Variants in CSMD2 observed in about 807,000 individuals in gnomAD.
CSMD2 encodes CUB and sushi domain-containing protein 2.
A neutral mutation model predicts 398.5 loss-of-function variants in CSMD2; 130 were observed. The ratio of observed to expected loss-of-function variants is 0.33; its 90% CI spans 0.28 to 0.38. CSMD2 has a LOEUF of 0.38. CSMD2 is among the 10% of genes least tolerant of loss of function. The probability of loss-of-function intolerance (pLI) is 1.00; values close to 1 mark genes in which losing one functional copy is unlikely to be tolerated. For missense variants in CSMD2, 3,829 were observed against 4,764.9 expected, an observed-to-expected ratio of 0.80 and a Z score of 5.78; for synonymous variants, 1,828 against 1,908.5, an observed-to-expected ratio of 0.96 and a Z score of 1.10.
At chr1:33,735,812 A>T (rs1646867358) in intron 15 of CSMD2, among the ~76,000 whole-genome samples, 1 of 152,178 alleles carries the variant, frequency 6.6e-6, no homozygotes. Flanking sequence ...CAAGGTGGGG[A>T]CACTTAATCA....
intron 5 of CSMD2, among the ~76,000 whole-genome samples, chr1:33,896,776 G>C (rs1642413308): frequency 6.6e-6 from 1 of 152,110 alleles, no homozygotes; most frequent in Admixed American, 6.5e-5. Flanking sequence ...AGGTGATTGG[G>C]GAAGGCCTCA....
At chr1:33,675,787 T>C (rs1199388207) in intron 25 of CSMD2, among the ~76,000 whole-genome samples, 14 of 152,240 alleles carry the variant, frequency 9.2e-5, no homozygotes, top group Non-Finnish European at 2.9e-5. Context: ...ATCCCTGGGA[T>C]GCAAGACTGG....
At position 33,680,918 on chromosome 1, in the gene CSMD2, CTTTTTTTTTTTT is replaced by C. The variant is rs66489770; in HGVS notation, c.4052+12000_4052+12011del. 4.0e-5 allele frequency among the ~76,000 whole-genome samples: 3 copies of C among 75,932 alleles called. No individual in the cohort carries two copies. The Admixed American group carries it at 7.0e-4, about 18-fold the overall frequency. The allele number at this position is 75,932 out of a possible 152,430, so 49.8% of individuals were successfully genotyped here. On this transcript the variant is annotated intron_variant, in intron 25 of 70. Coordinates refer to ENST00000373381, the MANE Select transcript of CSMD2 (RefSeq NM_001281956.2). The stretch of plus-strand genomic sequence containing the variant: ...CTTATTTCCATCATCCTGTTTTATG[CTTTTTTTTTTTT>C]TTTTTTTTTTTTGAGACAGAATCTC...
intron 23 of CSMD2, among the ~76,000 whole-genome samples, chr1:33,699,199 T>C (rs1197463815): frequency 6.6e-6 from 1 of 152,236 alleles, no homozygotes; most frequent in African/African-American, 2.4e-5. Context: ...GCATTTTCTA[T>C]TTCTTTTGTT....
At chr1:33,913,203 G>A (rs1233740398) in intron 5 of CSMD2, among the ~76,000 whole-genome samples, 1 of 152,190 alleles carries the variant, frequency 6.6e-6, no homozygotes, top group Non-Finnish European at 1.5e-5. Flanking sequence ...GCCAAGTGCA[G>A]CTCTGGGAAG....
intron 11 of CSMD2, among the ~76,000 whole-genome samples, chr1:33,789,610 C>A (rs1013527941): frequency 6.6e-6 from 1 of 152,212 alleles, no homozygotes; most frequent in African/African-American, 2.4e-5. Context: ...GTGGAGTGGG[C>A]AACTGAACTA....
intron 41 of CSMD2, among the ~76,000 whole-genome samples, chr1:33,607,101 T>C (rs1434240386): frequency 6.6e-6 from 1 of 152,198 alleles, no homozygotes. Flanking sequence ...ACATTAATAA[T>C]GATGATGCCT....
chr1:33,545,210 G>A (rs1570683161), intron 57 of CSMD2, among the ~76,000 whole-genome samples: 1 of 152,240 alleles, frequency 6.6e-6, no homozygotes, highest in Admixed American at 6.5e-5. Context: ...TACTATGCAA[G>A]CTGTATTTTA....
chr1:33,609,648 G>C (rs953822400), intron 41 of CSMD2, among the ~76,000 whole-genome samples: 1 of 152,032 alleles, frequency 6.6e-6, no homozygotes, highest in African/African-American at 2.4e-5. Flanking sequence ...AAATATGTTT[G>C]TAAATTGTTT....
At chr1:33,940,380 C>A (rs61769930) in intron 3 of CSMD2, among the ~76,000 whole-genome samples, 16 of 152,194 alleles carry the variant, frequency 1.1e-4, no homozygotes, top group Admixed American at 1.3e-4. Flanking sequence ...TAGGGAGACA[C>A]AATTCAACTC....
At chr1:33,936,944 C>T (rs548497819) in intron 3 of CSMD2, among the ~76,000 whole-genome samples, 4 of 152,278 alleles carry the variant, frequency 2.6e-5, no homozygotes, top group Non-Finnish European at 4.4e-5. Context: ...GCCATGCAGC[C>T]GGATGGTGGT....
chr1:34,087,981 T>C (rs1046188426), intron 2 of CSMD2, among the ~76,000 whole-genome samples: 3 of 152,020 alleles, frequency 2.0e-5, no homozygotes, highest in African/African-American at 7.2e-5. Flanking sequence ...GGGCCCCAGA[T>C]GCCCCCCCGC....
At chr1:33,562,082 G>T (rs1325949723) in intron 53 of CSMD2, among the ~76,000 whole-genome samples, 2 of 152,194 alleles carry the variant, frequency 1.3e-5, no homozygotes, top group Non-Finnish European at 2.9e-5. Flanking sequence ...CTCTACAGGA[G>T]GGGGTAGTTG....
At chr1:34,077,995 A>AT (rs1280929598) in intron 2 of CSMD2, among the ~76,000 whole-genome samples, 2 of 151,644 alleles carry the variant, frequency 1.3e-5, no homozygotes, top group Non-Finnish European at 2.9e-5. Context: ...TACTCATGAA[A>AT]TTTTTTTTTA....
intron 3 of CSMD2, among the ~76,000 whole-genome samples, chr1:33,998,779 G>A (rs1646806290): frequency 6.6e-6 from 1 of 152,166 alleles, no homozygotes; most frequent in Non-Finnish European, 1.5e-5. Context: ...CAACAGAAGA[G>A]CATTAAACCA....
chr1:33,716,192 T>C, intron 20 of CSMD2, 94 bp downstream of exon 20: 1 of 1,063,154 alleles, frequency 9.4e-7, no homozygotes, highest in Non-Finnish European at 1.4e-6. Context: ...AGTGGATTAA[T>C]ATCTATCTGC....
chr1:34,106,574 T>C (rs1660548874), intron 1 of CSMD2, among the ~76,000 whole-genome samples: 1 of 152,054 alleles, frequency 6.6e-6, no homozygotes, highest in Non-Finnish European at 1.5e-5. Flanking sequence ...ACACATCATC[T>C]CAGGACATAC....
intron 68 of CSMD2, among the ~76,000 whole-genome samples, chr1:33,521,140 CA>C (rs1654241563): frequency 6.6e-6 from 1 of 152,184 alleles, no homozygotes; most frequent in Admixed American, 6.5e-5. Context: ...TTTGTTGAGG[CA>C]GGGGTGACAC....
chr1:33,821,387 T>A (rs951557201), intron 7 of CSMD2, among the ~76,000 whole-genome samples: 1 of 152,302 alleles, frequency 6.6e-6, no homozygotes, highest in South Asian at 2.1e-4. Context: ...ATGCTGGTAC[T>A]GAGGAGGCTG....
Sources: gnomAD v4.1 joint callset for allele counts (sites outside exome capture counted in the v4.1 genomes callset) on GRCh38, gnomAD v4.1.1 for gene constraint, MANE v1.5 for transcripts, NCBI Gene and HGNC (gene_info 2026-07-23, HGNC 2026-07-21) for gene names.